The following PALLD variants were observed in gnomAD, a reference collection of about 807,000 sequenced individuals.
The protein encoded by PALLD is palladin.
In PALLD, 61 loss-of-function variants were observed where a neutral mutation model predicts 123.5. The observed-to-expected ratio is 0.49, with a 90% CI of 0.40 to 0.61. The LOEUF (loss-of-function observed/expected upper bound fraction) is 0.61. Among genes scored for constraint, PALLD ranks in the 20% least tolerant of loss-of-function variants. PALLD has a pLI of 0.00. For missense variants in PALLD, 1,273 were observed against 1,377.0 expected (o/e 0.92, Z 1.20); for synonymous variants, 465 against 496.4 (o/e 0.94, Z 0.84).
At chr4:168,833,340 G>T (rs988192140) in intron 10 of PALLD, among the ~76,000 whole-genome samples, 2 of 152,140 alleles carry the variant, frequency 1.3e-5, no homozygotes, top group Non-Finnish European at 2.9e-5. Context: ...ACAGGCCCGG[G>T]CACACCGAGT....
intron 2 of PALLD, among the ~76,000 whole-genome samples, chr4:168,614,823 C>G (rs748531876): frequency 5.3e-5 from 8 of 152,162 alleles, no homozygotes; most frequent in Admixed American, 6.5e-5. Context: ...GCGTTCCTCC[C>G]CAGTCCTGCA....
In PALLD at chr4:168,769,935, A is replaced by G. The variant is rs553633769; in HGVS notation, c.1964+58012A>G. Among the ~76,000 whole-genome samples, 247 of 152,362 alleles carry G rather than the reference A, an allele frequency of 1.6e-3. 1 individual carries two copies. Among genetic ancestry groups the G allele is most frequent in the Admixed American group, 2.5e-3 (38 of 15,308 alleles). Reference sequence around the variant, plus strand: ...ATCTCTCCCAAATGAGGCCATGCACAAATTTCCTTCTATGTGCAGAGCCTT... The same window carrying G: ...ATCTCTCCCAAATGAGGCCATGCACGAATTTCCTTCTATGTGCAGAGCCTT... On this transcript the variant is annotated intron_variant, in intron 10 of 21. Coordinates refer to ENST00000505667, the MANE Select transcript of PALLD (RefSeq NM_001166108.2).
intron 2 of PALLD, chr4:168,537,542 T>C (rs1765210290): frequency 6.6e-6 from 1 of 152,188 alleles, no homozygotes; most frequent in African/African-American, 2.4e-5. Flanking sequence ...TAAGAAATCT[T>C]ATAATTATCT....
At chr4:168,499,793 T>G (rs1761206359) in intron 1 of PALLD, among the ~76,000 whole-genome samples, 1 of 152,230 alleles carries the variant, frequency 6.6e-6, no homozygotes, top group South Asian at 2.1e-4. Flanking sequence ...ACCTGGACTC[T>G]CTAAAGAATC....
At position 168,754,485 on chromosome 4, in the gene PALLD, T is replaced by C. The variant is rs141487535; in HGVS notation, c.1964+42562T>C. ...CCAGAACAAAACTGAGATAAGATCC[T>C]AATTGTGGATTCCCAAATATTACTT... On this transcript the variant is annotated intron_variant, in intron 10 of 21. Coordinates refer to ENST00000505667, the MANE Select transcript of PALLD (RefSeq NM_001166108.2). Among the ~76,000 whole-genome samples, 120 of 152,372 alleles carry C rather than the reference T, an allele frequency of 7.9e-4. 1 individual carries two copies. The East Asian group carries it at 0.019, about 24-fold the overall frequency.
intron 10 of PALLD, among the ~76,000 whole-genome samples, chr4:168,807,584 T>C (rs1397072285): frequency 6.6e-6 from 1 of 151,798 alleles, no homozygotes; most frequent in Non-Finnish European, 1.5e-5. Context: ...TAATTTTGTA[T>C]TTTTAATAGA....
intron 10 of PALLD, among the ~76,000 whole-genome samples, chr4:168,877,544 G>T (rs541515473): frequency 3.3e-5 from 5 of 152,158 alleles, no homozygotes; most frequent in Non-Finnish European, 7.3e-5. Context: ...CTGACTTAGC[G>T]CTTGGTCCAG....
intron 17 of PALLD, among the ~76,000 whole-genome samples, chr4:168,918,841 C>T (rs1230269226): frequency 6.6e-6 from 1 of 151,958 alleles, no homozygotes; most frequent in Non-Finnish European, 1.5e-5. Flanking sequence ...TGTAAAATAA[C>T]GTTTTGAGTT....
chr4:168,696,861 G>C (rs1783172869), intron 8 of PALLD, among the ~76,000 whole-genome samples: 1 of 152,228 alleles, frequency 6.6e-6, no homozygotes, highest in Non-Finnish European at 1.5e-5. Flanking sequence ...TGGGATTCCA[G>C]AAGGAGAGAA....
intron 3 of PALLD, among the ~76,000 whole-genome samples, chr4:168,674,259 T>C (rs1306843740): frequency 6.6e-6 from 1 of 152,112 alleles, no homozygotes; most frequent in African/African-American, 2.4e-5. Flanking sequence ...GCCATGTGGA[T>C]GTGTCAGGCC....
At chr4:168,861,098 T>A (rs1749388245) in intron 10 of PALLD, among the ~76,000 whole-genome samples, 2 of 152,204 alleles carry the variant, frequency 1.3e-5, no homozygotes, top group South Asian at 4.1e-4. Context: ...ATATTTTTTG[T>A]TTGTTTTAGC....
intron 2 of PALLD, among the ~76,000 whole-genome samples, chr4:168,616,324 G>C (rs1774223813): frequency 1.3e-5 from 2 of 152,152 alleles, no homozygotes; most frequent in African/African-American, 4.8e-5. Context: ...AATATTAAAG[G>C]AGGGATCCTA....
At chr4:168,847,821 A>G (rs1193404301) in intron 10 of PALLD, among the ~76,000 whole-genome samples, 2 of 151,836 alleles carry the variant, frequency 1.3e-5, no homozygotes, top group African/African-American at 2.4e-5. Flanking sequence ...ATCCAGTTAT[A>G]CTCTTATACT....
intron 10 of PALLD, among the ~76,000 whole-genome samples, chr4:168,883,088 C>CAAA (rs34847342): frequency 8.0e-6 from 1 of 124,608 alleles, no homozygotes; most frequent in African/African-American, 3.4e-5. Context: ...AACTCTGTCT[C>CAAA]AAAAAAAAAA....
At position 168,512,305 on chromosome 4, in the gene PALLD, C is replaced by G; in HGVS notation, c.801C>G (p.Phe267Leu). The change falls in exon 2 of 22, where the codon TTC becomes TTG. Residue 267 changes from phenylalanine to leucine, a missense_variant. Transcript: ENST00000505667. ...SHPQPHSALHFPAAPRFIQKL... is the reference protein window; with the variant it reads ...SHPQPHSALHLPAAPRFIQKL... ...CACAGCCCCACAGCGCCCTCCACTT[C>G]CCAGCTGCACCTCGATTCATCCAAA... 6.2e-7 allele frequency: 1 copy of G among 1,614,188 alleles called. No homozygotes were observed. Among genetic ancestry groups the G allele is most frequent in the Non-Finnish European group, 8.5e-7 (1 of 1,180,032 alleles).
chr4:168,914,381 G>A (rs1007660271), intron 16 of PALLD, among the ~76,000 whole-genome samples: 2 of 152,210 alleles, frequency 1.3e-5, no homozygotes, highest in Non-Finnish European at 1.5e-5. Flanking sequence ...AGCTGTGTGA[G>A]TGGACGCACA....
intron 10 of PALLD, among the ~76,000 whole-genome samples, chr4:168,735,989 A>T (rs375021652): frequency 6.6e-6 from 1 of 152,240 alleles, no homozygotes; most frequent in Non-Finnish European, 1.5e-5. Flanking sequence ...CCAAAAGGAA[A>T]CAGCATAGAA....
intron 10 of PALLD, among the ~76,000 whole-genome samples, chr4:168,861,060 A>AAT (rs1425062596): frequency 6.6e-6 from 1 of 152,212 alleles, no homozygotes; most frequent in Non-Finnish European, 1.5e-5. Context: ...TGGCCTAAAT[A>AAT]ATACACAGTG....
At chr4:168,885,382 A>C (rs1042035010) in intron 10 of PALLD, 1 of 152,202 alleles carries the variant, frequency 6.6e-6, no homozygotes, top group African/African-American at 2.4e-5. Flanking sequence ...GTGAATACTA[A>C]AATTGCAATG....
Sources: gnomAD v4.1 joint callset for allele counts (sites outside exome capture counted in the v4.1 genomes callset) on GRCh38, gnomAD v4.1.1 for gene constraint, MANE v1.5 for transcripts, NCBI Gene and HGNC (gene_info 2026-07-23, HGNC 2026-07-21) for gene names.